The following MACROD2 variants were observed in gnomAD, a reference collection of about 807,000 sequenced individuals.
MACROD2 encodes the protein mono-ADP ribosylhydrolase 2.
In MACROD2, 36 loss-of-function variants were observed where a neutral mutation model predicts 70.4. The observed-to-expected ratio is 0.51, with a 90% CI of 0.39 to 0.68. MACROD2 has a LOEUF of 0.68. Among genes scored for constraint, MACROD2 ranks in the 30% least tolerant of loss-of-function variants. The probability of loss-of-function intolerance (pLI) is 0.00; values close to 1 mark genes in which losing one functional copy is unlikely to be tolerated. For synonymous variants in MACROD2, 172 were observed against 178.8 expected (o/e 0.96, Z 0.30); for missense variants, 496 against 538.4 (o/e 0.92, Z 0.78).
chr20:14,357,796 T>G (rs1460160979), intron 3 of MACROD2, among the ~76,000 whole-genome samples: 2 of 152,178 alleles, frequency 1.3e-5, no homozygotes, highest in African/African-American at 4.8e-5. Flanking sequence ...ACACAATAAA[T>G]TTTTGACTAC....
chr20:15,846,689 C>T (rs775758428), intron 8 of MACROD2, among the ~76,000 whole-genome samples: 1 of 151,934 alleles, frequency 6.6e-6, no homozygotes, highest in South Asian at 2.1e-4. Context: ...AGTCTAGAGC[C>T]GTCCTGTTAA....
At chr20:16,045,222 T>C (rs899491014) in intron 17 of MACROD2, among the ~76,000 whole-genome samples, 2 of 152,098 alleles carry the variant, frequency 1.3e-5, no homozygotes, top group African/African-American at 4.8e-5. Flanking sequence ...TTACGTTGAA[T>C]GAGCTTCAGG....
chr20:15,881,636 A>G (rs1235046918), intron 9 of MACROD2, among the ~76,000 whole-genome samples: 1 of 152,126 alleles, frequency 6.6e-6, no homozygotes, highest in Non-Finnish European at 1.5e-5. Context: ...GTTATTGTTT[A>G]AATGTGCCTA....
chr20:14,835,853 G>A (rs2073023492), intron 5 of MACROD2, among the ~76,000 whole-genome samples: 1 of 151,928 alleles, frequency 6.6e-6, no homozygotes, highest in Admixed American at 6.6e-5. Context: ...GTATCCATTA[G>A]GGCTAAGTAC....
intron 8 of MACROD2, among the ~76,000 whole-genome samples, chr20:15,808,772 A>T (rs1166363581): frequency 2.6e-5 from 4 of 152,150 alleles, no homozygotes; most frequent in Non-Finnish European, 4.4e-5. Context: ...ATATAATAAA[A>T]CTGTATTTTT....
chr20:15,707,088 AG>A (rs749999730), intron 8 of MACROD2, among the ~76,000 whole-genome samples: 1 of 152,222 alleles, frequency 6.6e-6, no homozygotes, highest in Non-Finnish European at 1.5e-5. Context: ...TAAGTTACAC[AG>A]TAACATATTC....
At position 16,022,636 on chromosome 20, in the gene MACROD2, C is replaced by A. The variant is rs527962012; in HGVS notation, c.1154-18565C>A. 4.6e-5 allele frequency among the ~76,000 whole-genome samples: 7 copies of A among 152,224 alleles called. No individual in the cohort carries two copies. The South Asian group carries it at 6.2e-4, about 14-fold the overall frequency. ...ATTTTATAATTATCCTGAGTATATC[C>A]AATGCAGATGGTTCCTGGACCACAT... On this transcript the variant is annotated intron_variant, in intron 15 of 17. Coordinates refer to ENST00000684519, the MANE Select transcript of MACROD2 (RefSeq NM_001351661.2).
At chr20:14,779,825 A>G (rs2072277694) in intron 5 of MACROD2, among the ~76,000 whole-genome samples, 2 of 152,252 alleles carry the variant, frequency 1.3e-5, no homozygotes, top group South Asian at 4.1e-4. Context: ...TTACCAGTCA[A>G]TATTTATTAC....
chr20:15,255,941 T>G (rs2077195628), intron 6 of MACROD2, among the ~76,000 whole-genome samples: 4 of 152,136 alleles, frequency 2.6e-5, no homozygotes, highest in Admixed American at 2.6e-4. Flanking sequence ...GGAAACTGAC[T>G]TACACACATG....
chr20:15,796,346 CT>C (rs1417476654), intron 8 of MACROD2, among the ~76,000 whole-genome samples: 4 of 152,218 alleles, frequency 2.6e-5, no homozygotes, highest in African/African-American at 9.6e-5. Flanking sequence ...ATTGAGCTCT[CT>C]AATTTTAAGA....
intron 3 of MACROD2, among the ~76,000 whole-genome samples, chr20:14,322,202 T>TATATATATATATATATATATATATA (rs1568553958): frequency 1.7e-4 from 9 of 53,736 alleles, no homozygotes; most frequent in Non-Finnish European, 3.2e-4. Flanking sequence ...ATATATATAT[T>TATATATATATATATATATATATATA]TTGTATTTTG....
intron 4 of MACROD2, among the ~76,000 whole-genome samples, chr20:14,591,685 AC>A (rs1465722411): frequency 6.6e-6 from 1 of 152,192 alleles, no homozygotes; most frequent in Non-Finnish European, 1.5e-5. Context: ...GTTTTTATGC[AC>A]TTTAAGCTTC....
At chr20:15,069,176 G>A (rs2075600272) in intron 5 of MACROD2, among the ~76,000 whole-genome samples, 1 of 152,116 alleles carries the variant, frequency 6.6e-6, no homozygotes, top group Admixed American at 6.5e-5. Context: ...AGGATATTTG[G>A]AAGAAGAAAT....
At chr20:14,712,677 T>A (rs1477225277) in intron 5 of MACROD2, among the ~76,000 whole-genome samples, 1 of 152,228 alleles carries the variant, frequency 6.6e-6, no homozygotes, top group Non-Finnish European at 1.5e-5. Flanking sequence ...CAACTTTTCC[T>A]GTTTCTTGGT....
chr20:14,834,911 TATA>T (rs2073012000), intron 5 of MACROD2, among the ~76,000 whole-genome samples: 1 of 151,992 alleles, frequency 6.6e-6, no homozygotes, highest in South Asian at 2.1e-4. Flanking sequence ...ATTGACTATG[TATA>T]ATATGTGTGT....
intron 6 of MACROD2, among the ~76,000 whole-genome samples, chr20:15,355,776 G>A (rs2078280074): frequency 6.6e-6 from 1 of 152,158 alleles, no homozygotes; most frequent in African/African-American, 2.4e-5. Flanking sequence ...AAAGTTTCAA[G>A]CCAAGAACTG....
intron 2 of MACROD2, among the ~76,000 whole-genome samples, chr20:14,022,523 C>T (rs1288568556): frequency 6.6e-6 from 1 of 151,104 alleles, no homozygotes; most frequent in Non-Finnish European, 1.5e-5. Flanking sequence ...TATACATGTG[C>T]CATGGTTTGC....
chr20:14,019,562 T>C (rs1451554389), intron 2 of MACROD2, among the ~76,000 whole-genome samples: 1 of 152,098 alleles, frequency 6.6e-6, no homozygotes, highest in Non-Finnish European at 1.5e-5. Flanking sequence ...TGTGAGCCAC[T>C]GCGCCTAGCT....
At chr20:15,373,436 G>A (rs1381974822) in intron 6 of MACROD2, among the ~76,000 whole-genome samples, 4 of 151,996 alleles carry the variant, frequency 2.6e-5, no homozygotes, top group Non-Finnish European at 5.9e-5. Flanking sequence ...ACAGGGTGCT[G>A]TTCTCTCACC....
Sources: allele counts gnomAD v4.1 joint callset (sites outside exome capture counted in the v4.1 genomes callset), GRCh38; gene constraint gnomAD v4.1.1; transcripts MANE v1.5; gene names NCBI Gene and HGNC (gene_info 2026-07-23, HGNC 2026-07-21).